PLEKHA5: variants seen among roughly 807,000 people sequenced by gnomAD.
The protein encoded by PLEKHA5 is pleckstrin homology domain-containing family A member 5.
Under a neutral mutation model 181.9 loss-of-function variants are expected in PLEKHA5, and 55 were observed. That is an observed-to-expected ratio of 0.30 (90% confidence interval 0.24 to 0.38). The LOEUF (loss-of-function observed/expected upper bound fraction) is 0.38. Among genes scored for constraint, PLEKHA5 ranks in the 10% least tolerant of loss-of-function variants. PLEKHA5 has a pLI of 1.00. For missense variants in PLEKHA5, 1,432 were observed against 1,549.5 expected, an observed-to-expected ratio of 0.92 and a Z score of 1.27; for synonymous variants, 535 against 529.4, an observed-to-expected ratio of 1.01 and a Z score of -0.15.
intron 3 of PLEKHA5, among the ~76,000 whole-genome samples, chr12:19,213,779 T>G (rs2057419472): frequency 1.3e-5 from 2 of 152,146 alleles, no homozygotes. Context: ...GGATGGCAGG[T>G]AGCGAATGTG....
At chr12:19,156,406 CTG>C (rs771672936) in intron 3 of PLEKHA5, among the ~76,000 whole-genome samples, 1 of 151,848 alleles carries the variant, frequency 6.6e-6, no homozygotes, top group Non-Finnish European at 1.5e-5. Context: ...ATATGAGAGA[CTG>C]ATTTTTTTTT....
At chr12:19,239,951 C>G (rs544365608) in intron 3 of PLEKHA5, among the ~76,000 whole-genome samples, 247 of 152,290 alleles carry the variant, frequency 1.6e-3, no homozygotes, top group Non-Finnish European at 2.8e-3. Context: ...TCACCAGTGC[C>G]TAGCACATAT....
chr12:19,157,642 C>T (rs1402051519), intron 3 of PLEKHA5, among the ~76,000 whole-genome samples: 2 of 152,130 alleles, frequency 1.3e-5, no homozygotes, highest in African/African-American at 2.4e-5. Flanking sequence ...TTATTGCATA[C>T]ACCATACCAA....
At chr12:19,282,042 A>G (rs1264416920) in intron 11 of PLEKHA5, among the ~76,000 whole-genome samples, 5 of 152,170 alleles carry the variant, frequency 3.3e-5, no homozygotes, top group Non-Finnish European at 4.4e-5. Context: ...TCCGCCTCCC[A>G]AAGTGCTGGG....
intron 3 of PLEKHA5, among the ~76,000 whole-genome samples, chr12:19,143,900 T>G (rs1034778890): frequency 6.6e-6 from 1 of 152,190 alleles, no homozygotes; most frequent in African/African-American, 2.4e-5. Flanking sequence ...TGTGAGTTTT[T>G]GCTGTGAGAA....
chr12:19,361,332 G>A (rs748547995), intron 28 of PLEKHA5, among the ~76,000 whole-genome samples: 3 of 151,838 alleles, frequency 2.0e-5, no homozygotes, highest in Non-Finnish European at 4.4e-5. Flanking sequence ...ACAGGCGCCC[G>A]CCACCACACC....
intron 18 of PLEKHA5, among the ~76,000 whole-genome samples, chr12:19,321,828 TC>T (rs1162278056): frequency 6.6e-6 from 1 of 152,164 alleles, no homozygotes. Context: ...GGGACATATT[TC>T]CAATTTGTCC....
chr12:19,236,193 C>T (rs1368778733), intron 3 of PLEKHA5, among the ~76,000 whole-genome samples: 2 of 152,142 alleles, frequency 1.3e-5, no homozygotes, highest in Admixed American at 6.5e-5. Context: ...ATGTTCACCA[C>T]GATGTTAACA....
At chr12:19,246,377 C>A (rs1399189652) in intron 3 of PLEKHA5, among the ~76,000 whole-genome samples, 1 of 151,764 alleles carries the variant, frequency 6.6e-6, no homozygotes, top group African/African-American at 2.4e-5. Context: ...GTAATCCCAG[C>A]ACTTTGGGAT....
In PLEKHA5 at chr12:19,162,187, G is replaced by T. The variant is rs572211885; in HGVS notation, c.227+29737G>T. Among the ~76,000 whole-genome samples, 4 of 152,146 alleles carry T rather than the reference G, an allele frequency of 2.6e-5. No homozygotes were observed. In the East Asian group the frequency reaches 7.7e-4, roughly 29 times the overall value. ...CCCCTTTGATTCCCTGGATTCCATG[G>T]AATACTAGGTTTATGTATGTTAGGG... On this transcript the variant is annotated intron_variant, in intron 3 of 31. Coordinates refer to ENST00000429027, the MANE Select transcript of PLEKHA5 (RefSeq NM_001256470.2).
intron 16 of PLEKHA5, 171 bp from the exon 17 acceptor site, chr12:19,319,850 A>G: frequency 2.2e-6 from 1 of 453,034 alleles, no homozygotes; most frequent in Non-Finnish European, 3.9e-6. Context: ...ATTTAAGTAC[A>G]CTGAATAATT....
intron 15 of PLEKHA5, among the ~76,000 whole-genome samples, chr12:19,293,334 A>G (rs1478652750): frequency 6.6e-6 from 1 of 152,206 alleles, no homozygotes; most frequent in Non-Finnish European, 1.5e-5. Context: ...TAAAATTTAT[A>G]TATTTTCCAC....
chr12:19,249,731 T>C (rs1432482633), intron 3 of PLEKHA5, among the ~76,000 whole-genome samples: 1 of 152,136 alleles, frequency 6.6e-6, no homozygotes, highest in Non-Finnish European at 1.5e-5. Context: ...AGAGGTAAAG[T>C]AAGTTGCCAA....
intron 7 of PLEKHA5, among the ~76,000 whole-genome samples, chr12:19,263,326 C>G (rs1487885857): frequency 6.6e-6 from 1 of 152,148 alleles, no homozygotes; most frequent in African/African-American, 2.4e-5. Context: ...GTGCTTACCT[C>G]AGGTCTCACA....
At chr12:19,299,867 C>CA (rs1291396557) in intron 15 of PLEKHA5, among the ~76,000 whole-genome samples, 3 of 151,810 alleles carry the variant, frequency 2.0e-5, no homozygotes, top group East Asian at 3.9e-4. Context: ...TTTTGCCTTA[C>CA]AAAAAAAAGT....
At chr12:19,131,472 A>G (rs554260489) in intron 2 of PLEKHA5, among the ~76,000 whole-genome samples, 1 of 152,304 alleles carries the variant, frequency 6.6e-6, no homozygotes, top group African/African-American at 2.4e-5. Flanking sequence ...CTGGTGTTTT[A>G]CACGCATATT....
At chr12:19,280,036 G>GTTTTTT (rs869050795) in intron 11 of PLEKHA5, among the ~76,000 whole-genome samples, 2 of 54,492 alleles carry the variant, frequency 3.7e-5, no homozygotes, top group South Asian at 1.1e-3. Flanking sequence ...AATGAAACCT[G>GTTTTTT]TTTTTTTTTT....
intron 3 of PLEKHA5, among the ~76,000 whole-genome samples, chr12:19,240,450 T>G (rs1220121466): frequency 6.6e-6 from 1 of 150,618 alleles, no homozygotes; most frequent in Non-Finnish European, 1.5e-5. Context: ...GTTTTTTTTT[T>G]TTTTTTTTTA....
intron 11 of PLEKHA5, among the ~76,000 whole-genome samples, chr12:19,279,680 C>CAT (rs1277629748): frequency 6.6e-5 from 10 of 151,032 alleles, no homozygotes; most frequent in South Asian, 2.1e-4. Context: ...AAAATACATA[C>CAT]ATATATATAT....
Sources: gnomAD v4.1 joint callset for allele counts (sites outside exome capture counted in the v4.1 genomes callset) on GRCh38, gnomAD v4.1.1 for gene constraint, MANE v1.5 for transcripts, NCBI Gene and HGNC (gene_info 2026-07-23, HGNC 2026-07-21) for gene names.